RSRC2: variants seen among roughly 807,000 people sequenced by gnomAD.
RSRC2 encodes arginine/serine-rich coiled-coil protein 2.
Under a neutral mutation model 61.3 loss-of-function variants are expected in RSRC2, and 5 were observed. The observed-to-expected ratio is 0.08, with a 90% CI of 0.04 to 0.17. RSRC2 has a LOEUF of 0.17. Ranked by LOEUF, RSRC2 falls within the 10% of genes least tolerant of loss-of-function variation. The pLI is 1.00. For synonymous variants in RSRC2, 202 were observed against 166.5 expected, an observed-to-expected ratio of 1.21 and a Z score of -1.64; for missense variants, 381 against 518.8, an observed-to-expected ratio of 0.73 and a Z score of 2.58.
At chr12:122,524,220 A>T (rs1182083905) in intron 1 of RSRC2, among the ~76,000 whole-genome samples, 1 of 152,068 alleles carries the variant, frequency 6.6e-6, no homozygotes, top group Non-Finnish European at 1.5e-5. Flanking sequence ...ATTAAGGATG[A>T]TTCTGATTTT....
At chr12:122,512,426 G>C (rs968523590) in intron 6 of RSRC2, among the ~76,000 whole-genome samples, 7 of 152,124 alleles carry the variant, frequency 4.6e-5, no homozygotes, top group African/African-American at 1.7e-4. Context: ...AATTGGATTT[G>C]CTTTAAGAAT....
At chr12:122,510,365 A>C (rs965835051) in intron 7 of RSRC2, among the ~76,000 whole-genome samples, 1 of 152,144 alleles carries the variant, frequency 6.6e-6, no homozygotes, top group East Asian at 1.9e-4. Context: ...CCCCGTCTCT[A>C]CTAAAAATAC....
At position 122,525,186 on chromosome 12, in the gene RSRC2, C is replaced by T. The variant is rs755757224; in HGVS notation, c.6+1662G>A. On this transcript the variant is annotated intron_variant, in intron 1 of 9. Coordinates refer to ENST00000331738, the MANE Select transcript of RSRC2 (RefSeq NM_023012.6). ...GTCAGGAGTTCGAGACCAGCCTGGCCGACGTGGTGAAACCCCGTCTCTACC... is the reference window on the plus strand; with the variant it reads ...GTCAGGAGTTCGAGACCAGCCTGGCTGACGTGGTGAAACCCCGTCTCTACC... Among the ~76,000 whole-genome samples, 45 of 152,012 alleles carry T rather than the reference C, an allele frequency of 3.0e-4. 1 individual carries two copies. The highest frequency in any genetic ancestry group is 2.9e-5 in the Non-Finnish European group (2 of 68,008).
intron 3 of RSRC2, chr12:122,520,421 A>G (rs1593412793): frequency 2.5e-6 from 2 of 794,934 alleles, no homozygotes. Flanking sequence ...TAACATTACT[A>G]TTAATTTAAA....
chr12:122,513,609 A>G (rs1420976280), intron 6 of RSRC2, among the ~76,000 whole-genome samples: 6 of 152,226 alleles, frequency 3.9e-5, no homozygotes, highest in Non-Finnish European at 7.3e-5. Context: ...TGAAATTACA[A>G]TCTAGCATAT....
At position 122,518,999 on chromosome 12, in the gene RSRC2, A is replaced by C; in HGVS notation, c.238T>G (p.Ser80Ala). 6.2e-7 allele frequency: 1 copy of C among 1,613,698 alleles called. No individual in the cohort carries two copies. The highest frequency in any genetic ancestry group is 1.1e-5 in the South Asian group (1 of 91,078). Residue 80 changes from serine to alanine, a missense_variant, in exon 4 of 10, where the codon TCT (serine) becomes GCT (alanine). Ser to Ala is a moderately conservative substitution (Grantham distance 99). Transcript: ENST00000331738. ...TGTTCCTCAGACTTATGTTTCTTAG[A>C]GGATTTATCTTTGGATTCATGTCTT... is the stretch of plus-strand genomic sequence containing the variant. The part of the protein sequence containing the change: ...GRRHESKDKS[S>A]KKHKSEEHND...
rs1363691287 is a variant in RSRC2, at chr12:122,512,171, CTAA to C, written c.726-986_726-984del. Among the ~76,000 whole-genome samples the C allele has an allele frequency of 5.3e-5, 8 of 152,218 alleles. No individual in the cohort carries two copies. The South Asian group carries it at 8.3e-4, about 16-fold the overall frequency. ...GAGTAGTGTGCATACATTAAATTCA[CTAA>C]TGAGTATGCACACTAAACAAGCTAT... On this transcript the variant is annotated intron_variant, in intron 6 of 9. Transcript: ENST00000331738.
chr12:122,505,509 TTAC>T lies in RSRC2; in HGVS notation c.*15_*17del. ...ACAAGAAGTCTATAAGTCCCAAACT[TTAC>T]AAGTGTGATCATTTTCAAACTGCAT... On this transcript the variant is annotated 3_prime_UTR_variant, in exon 10 of 10. Coordinates refer to ENST00000331738, the MANE Select transcript of RSRC2 (RefSeq NM_023012.6). 2 of 1,611,070 alleles carry T rather than the reference TTAC, an allele frequency of 1.2e-6. No homozygotes were observed. Among genetic ancestry groups the T allele is most frequent in the Non-Finnish European group, 1.7e-6 (2 of 1,177,914 alleles).
intron 1 of RSRC2, among the ~76,000 whole-genome samples, chr12:122,525,675 C>A (rs1357817051): frequency 6.6e-6 from 1 of 151,948 alleles, no homozygotes; most frequent in Non-Finnish European, 1.5e-5. Context: ...TTCCTTTTAA[C>A]GGAATAAAAA....
At chr12:122,520,473 G>A (rs967189051) in intron 3 of RSRC2, 11 of 1,162,030 alleles carry the variant, frequency 9.5e-6, no homozygotes, top group East Asian at 4.7e-5. Flanking sequence ...TATATTTAAG[G>A]GAAATAGGAG....
intron 7 of RSRC2, among the ~76,000 whole-genome samples, chr12:122,510,491 T>C (rs1229070584): frequency 2.0e-5 from 3 of 152,230 alleles, no homozygotes; most frequent in African/African-American, 4.8e-5. Context: ...ATCACGCCAC[T>C]GCACTCCAGC....
chr12:122,519,109 TTGTGA>T, intron 3 of RSRC2, 80 bp from the exon 4 acceptor site: 4 of 1,136,004 alleles, frequency 3.5e-6, no homozygotes, highest in Non-Finnish European at 5.2e-6. Context: ...GACAAAAATG[TTGTGA>T]TGCAACATTA....
At chr12:122,511,253 T>C (rs973315969) in intron 6 of RSRC2, 65 bp from the exon 7 acceptor site, 27 of 1,212,944 alleles carry the variant, frequency 2.2e-5, no homozygotes, top group Non-Finnish European at 3.0e-5. Flanking sequence ...TATATCTCTC[T>C]ATATGTGCAT....
intron 9 of RSRC2, 109 bp from the exon 10 acceptor site, chr12:122,505,815 G>C (rs923820669): frequency 5.3e-6 from 5 of 939,594 alleles, no homozygotes; most frequent in Non-Finnish European, 7.8e-6. Context: ...GTCTTGCTCT[G>C]TTGTCCCGTC....
chr12:122,517,336 A>C lies in RSRC2; in HGVS notation c.493T>G (p.Ser165Ala). ...TTTCTTTCCCTGCTTCTGGATCTCGATTTCTTCCTCTCTCTGCTTCTGGAT... is the reference window on the plus strand; with the variant it reads ...TTTCTTTCCCTGCTTCTGGATCTCGCTTTCTTCCTCTCTCTGCTTCTGGAT... ...SRSRSRERKK[S>A]RSRSRERKRR... is the part of the protein sequence containing the mutation. The change falls in exon 5 of 10, where the codon TCG becomes GCG. Residue 165 changes from serine (S) to alanine (A), a missense_variant. Physicochemically the swap from Ser to Ala is moderately conservative, Grantham distance 99 (BLOSUM62 1). Around this residue, in one of 4 missense-constraint regions of RSRC2, gnomAD observed 266 missense variants for 270.5 expected, o/e 0.98. Coordinates refer to ENST00000331738, the MANE Select transcript of RSRC2 (RefSeq NM_023012.6). The C allele has an allele frequency of 6.2e-7, 1 of 1,613,482 alleles. No homozygotes were observed. Among genetic ancestry groups the C allele is most frequent in the Non-Finnish European group, 8.5e-7 (1 of 1,179,740 alleles).
chr12:122,517,176 CAG>C (rs758213277), intron 5 of RSRC2, 49 bp downstream of exon 5: 27 of 1,609,384 alleles, frequency 1.7e-5, no homozygotes, highest in Middle Eastern at 3.3e-4. Context: ...GGAAGATAAA[CAG>C]ACTCTCTGAG....
intron 7 of RSRC2, among the ~76,000 whole-genome samples, 170 bp downstream of exon 7, chr12:122,510,939 C>A (rs539192155): frequency 6.6e-6 from 1 of 152,026 alleles, no homozygotes; most frequent in Non-Finnish European, 1.5e-5. Context: ...GTCCCAGCTA[C>A]TCGGTAGGCT....
chr12:122,519,282 A>G (rs1314606466), intron 3 of RSRC2: 1 of 410,014 alleles, frequency 2.4e-6, no homozygotes, highest in East Asian at 4.6e-5. Flanking sequence ...TTTAAAGTTG[A>G]AATATTGAAA....
chr12:122,526,882 G>A lies in RSRC2; in HGVS notation c.-29C>T, dbSNP rs1384461584. ...TCAGAGTCCCGGCCGCTAGAGCGGCGCCTCCACTTGTCGCTTTCAACAGTA... is the reference window on the plus strand; with the variant it reads ...TCAGAGTCCCGGCCGCTAGAGCGGCACCTCCACTTGTCGCTTTCAACAGTA... On this transcript the variant is annotated 5_prime_UTR_variant, in exon 1 of 10. Transcript: ENST00000331738. The A allele has an allele frequency of 1.2e-6, 2 of 1,613,928 alleles. No individual in the cohort carries two copies. The highest frequency in any genetic ancestry group is 1.7e-6 in the Non-Finnish European group (2 of 1,179,766).
Sources: gnomAD v4.1 joint callset for allele counts (sites outside exome capture counted in the v4.1 genomes callset) on GRCh38, gnomAD v4.1.1 for gene constraint, gnomAD v4.1.1 regional missense constraint, MANE v1.5 for transcripts, NCBI Gene and HGNC (gene_info 2026-07-23, HGNC 2026-07-21) for gene names.